The following GATA6 variants were observed in gnomAD, a reference collection of about 807,000 sequenced individuals.
GATA6 encodes the protein transcription factor GATA-6.
In GATA6, 11 loss-of-function variants were observed where a neutral mutation model predicts 48.1. The observed-to-expected ratio is 0.23, with a 90% CI of 0.14 to 0.38. GATA6 has a LOEUF of 0.38. Ranked by LOEUF, GATA6 falls within the 10% of genes least tolerant of loss-of-function variation. GATA6 has a pLI of 1.00. For synonymous variants in GATA6, 419 were observed against 396.1 expected (o/e 1.06, Z -0.69); for missense variants, 795 against 850.3 (o/e 0.93, Z 0.81).
chr18:22,186,551 CA>C (rs1225591017), intron 6 of GATA6, among the ~76,000 whole-genome samples: 1 of 152,164 alleles, frequency 6.6e-6, no homozygotes, highest in Non-Finnish European at 1.5e-5. Context: ...TAAGTGATGG[CA>C]CCAGGACCTT....
chr18:22,171,874 G>T lies in GATA6; in HGVS notation c.730G>T (p.Gly244Cys), dbSNP rs1355067748. ...CGGCAGCGGAGGCGGCGCGGCTGGCGGCGGGGCCGCGGGGCCTGGCGGCGC... is the reference window on the plus strand; with the variant it reads ...CGGCAGCGGAGGCGGCGCGGCTGGCTGCGGGGCCGCGGGGCCTGGCGGCGC... Reference protein sequence around the residue: ...PYGSGGGAAGGGAAGPGGAGS... With the variant: ...PYGSGGGAAGCGAAGPGGAGS... The change falls in exon 2 of 7, where the codon GGC (glycine) becomes TGC (cysteine). Residue 244 changes from glycine (G) to cysteine (C), a missense_variant. By Grantham distance (159) the Gly-to-Cys change is radical (BLOSUM62 -3). Around this residue, in one of 5 missense-constraint regions of GATA6, gnomAD observed 591 missense variants for 570.0 expected, o/e 1.04. Transcript: ENST00000269216. This position sits in a 1 kb window ranked among gnomAD's most constrained non-coding sequence, Gnocchi z 7.1. The T allele has an allele frequency of 3.5e-6, 4 of 1,158,830 alleles. No individual in the cohort carries two copies. The highest frequency in any genetic ancestry group is 4.2e-6 in the Non-Finnish European group (4 of 942,274). 71.8% of individuals were successfully genotyped at this position (1,158,830 alleles called of 1,614,324 possible).
chr18:22,176,975 G>A lies in GATA6; in HGVS notation c.1156G>A (p.Glu386Lys). ...PSADLLEDLS[E>K]SRECVNCGSI... ...CGCAGACCTGCTGGAGGACCTGTCC[G>A]AGAGCCGCGAGTGCGTGAACTGCGG... The change falls in exon 3 of 7, where the codon GAG becomes AAG. Residue 386 changes from glutamate (E) to lysine (K), a missense_variant. Physicochemically the swap from Glu to Lys is moderately conservative, Grantham distance 56 (BLOSUM62 1). Transcript: ENST00000269216. The A allele has an allele frequency of 1.3e-6, 2 of 1,563,274 alleles. No homozygotes were observed. The highest frequency in any genetic ancestry group is 1.7e-6 in the Non-Finnish European group (2 of 1,157,146).
intron 6 of GATA6, among the ~76,000 whole-genome samples, chr18:22,196,692 G>C (rs2033393498): frequency 6.6e-6 from 1 of 151,944 alleles, no homozygotes; most frequent in African/African-American, 2.4e-5. Flanking sequence ...AGTGAGCCAA[G>C]ATCACACCCA....
chr18:22,200,855 G>A lies in GATA6; in HGVS notation c.*32G>A. ...GCCGCCAGGAGGCAGGGAGGGCTCCGCCGCGGGCCTCACTCCACTCGTGTC... is the reference window on the plus strand; with the variant it reads ...GCCGCCAGGAGGCAGGGAGGGCTCCACCGCGGGCCTCACTCCACTCGTGTC... On this transcript the variant is annotated 3_prime_UTR_variant, in exon 7 of 7. Coordinates refer to ENST00000269216, the MANE Select transcript of GATA6 (RefSeq NM_005257.6). 6.3e-7 allele frequency: 1 copy of A among 1,584,512 alleles called. No individual in the cohort carries two copies.
chr18:22,194,699 T>TC (rs1021518168), intron 6 of GATA6, among the ~76,000 whole-genome samples: 1 of 150,908 alleles, frequency 6.6e-6, no homozygotes, highest in African/African-American at 2.4e-5. Flanking sequence ...TTCTCTGATT[T>TC]CCCCCCTCCG....
intron 3 of GATA6, among the ~76,000 whole-genome samples, chr18:22,178,226 A>C (rs1376129702): frequency 6.6e-6 from 1 of 151,952 alleles, no homozygotes; most frequent in Non-Finnish European, 1.5e-5. Context: ...CGGCCTCCCG[A>C]AGTGCTAGGA....
chr18:22,175,471 G>A (rs1049698295), intron 2 of GATA6: 1 of 152,120 alleles, frequency 6.6e-6, no homozygotes, highest in African/African-American at 2.4e-5. Flanking sequence ...CAAATACCTT[G>A]TTTAACTTCA....
intron 6 of GATA6, among the ~76,000 whole-genome samples, chr18:22,191,010 CTT>C (rs766238113): frequency 2.0e-4 from 23 of 114,968 alleles, no homozygotes; most frequent in African/African-American, 3.3e-4. Context: ...TCTAGACTTC[CTT>C]TTTTTTTTTT....
At chr18:22,187,306 C>A (rs1169890711) in intron 6 of GATA6, among the ~76,000 whole-genome samples, 2 of 151,966 alleles carry the variant, frequency 1.3e-5, no homozygotes. Flanking sequence ...CATGGAGAAA[C>A]CCCGTCTCTA....
At chr18:22,199,627 G>A (rs899256518) in intron 6 of GATA6, among the ~76,000 whole-genome samples, 2 of 152,194 alleles carry the variant, frequency 1.3e-5, no homozygotes, top group African/African-American at 4.8e-5. Flanking sequence ...TTGTGGCCAG[G>A]CACAGTGGCT....
In GATA6 at chr18:22,202,059, C is replaced by T. The variant is rs774770753; in HGVS notation, c.*1236C>T. 7 of 152,142 alleles carry T rather than the reference C, an allele frequency of 4.6e-5. No homozygotes were observed. Among genetic ancestry groups the T allele is most frequent in the Non-Finnish European group, 1.0e-4 (7 of 68,030 alleles). The allele number at this position is 152,142 out of a possible 1,614,324, so 9.4% of individuals were successfully genotyped here. On this transcript the variant is annotated 3_prime_UTR_variant, in exon 7 of 7. Transcript: ENST00000269216. ...TAGATATTCATATAAAACAAGTGCACGTGAAGTTTGCAAAATGCTTTAAGG... is the reference window on the plus strand; with the variant it reads ...TAGATATTCATATAAAACAAGTGCATGTGAAGTTTGCAAAATGCTTTAAGG...
chr18:22,188,249 G>A (rs1200349798), intron 6 of GATA6, among the ~76,000 whole-genome samples: 3 of 152,204 alleles, frequency 2.0e-5, no homozygotes, highest in Non-Finnish European at 4.4e-5. Context: ...GTAAAACAAA[G>A]TGCCACATCT....
At chr18:22,197,166 C>T (rs2033401194) in intron 6 of GATA6, among the ~76,000 whole-genome samples, 2 of 151,256 alleles carry the variant, frequency 1.3e-5, no homozygotes, top group Non-Finnish European at 2.9e-5. Flanking sequence ...TGCAACCTGC[C>T]TCAGCCTTCT....
intron 4 of GATA6, 27 bp from the exon 5 acceptor site, chr18:22,182,730 T>C (rs2033214070): frequency 4.0e-6 from 6 of 1,513,008 alleles, no homozygotes; most frequent in Non-Finnish European, 4.6e-6. Context: ...TAATATTAAA[T>C]TTATGGCCTA....
intron 6 of GATA6, among the ~76,000 whole-genome samples, chr18:22,188,009 G>A (rs557101598): frequency 1.3e-5 from 2 of 152,148 alleles, no homozygotes; most frequent in East Asian, 1.9e-4. Flanking sequence ...GACTGAGGCT[G>A]GAGGATCACT....
chr18:22,169,856 G>C (rs887863765), intron 1 of GATA6, among the ~76,000 whole-genome samples, 174 bp downstream of exon 1: 2 of 152,192 alleles, frequency 1.3e-5, no homozygotes, highest in Admixed American at 6.5e-5. Context: ...CCGGGACACC[G>C]CGGACCAACT....
intron 2 of GATA6, 97 bp from the exon 3 acceptor site, chr18:22,176,858 C>T (rs1271856681): frequency 2.2e-5 from 31 of 1,390,136 alleles, no homozygotes; most frequent in Non-Finnish European, 2.8e-5. Context: ...GCAGGGAAGC[C>T]GGGCACCGGG....
In GATA6 at chr18:22,171,187, G is replaced by A. The variant is rs116262672; in HGVS notation, c.43G>A (p.Gly15Arg). Residue 15 changes from glycine (G) to arginine (R), a missense_variant, in exon 2 of 7, where the codon GGG becomes AGG. By Grantham distance (125) the Gly-to-Arg change is moderately radical (BLOSUM62 -2). Around this residue, in one of 5 missense-constraint regions of GATA6, gnomAD observed 591 missense variants for 570.0 expected, o/e 1.04. Coordinates refer to ENST00000269216, the MANE Select transcript of GATA6 (RefSeq NM_005257.6). The surrounding 1 kb of genome is among the most constrained non-coding windows in gnomAD (Gnocchi z 7.1). ...CGGCTGGTGCTTGCCGAAGCGCTTCGGGGCCGCGGGTGCGGACGCCAGCGA... is the reference window on the plus strand; with the variant it reads ...CGGCTGGTGCTTGCCGAAGCGCTTCAGGGCCGCGGGTGCGGACGCCAGCGA... The part of the protein sequence containing the change: ...DGGWCLPKRF[G>R]AAGADASDSR... The A allele has an allele frequency of 2.0e-4, 312 of 1,599,746 alleles. 8 individuals are homozygous for A. In the South Asian group the frequency reaches 3.3e-3, roughly 17 times the overall value.
In GATA6 at chr18:22,171,194, C is replaced by G. The variant is rs1030316600; in HGVS notation, c.50C>G (p.Ala17Gly). ...GWCLPKRFGA[A>G]GADASDSRAF... ...TGCTTGCCGAAGCGCTTCGGGGCCGCGGGTGCGGACGCCAGCGACTCCAGA... is the reference window on the plus strand; with the variant it reads ...TGCTTGCCGAAGCGCTTCGGGGCCGGGGGTGCGGACGCCAGCGACTCCAGA... Residue 17 changes from alanine to glycine, a missense_variant, in exon 2 of 7, where the codon GCG becomes GGG. Around this residue, in one of 5 missense-constraint regions of GATA6, gnomAD observed 591 missense variants for 570.0 expected, o/e 1.04. Transcript: ENST00000269216. This position sits in a 1 kb window ranked among gnomAD's most constrained non-coding sequence, Gnocchi z 7.1. The G allele has an allele frequency of 3.1e-6, 5 of 1,599,272 alleles. No homozygotes were observed. In the African/African-American group the frequency reaches 6.7e-5, roughly 21 times the overall value.
Sources: allele counts gnomAD v4.1 joint callset (sites outside exome capture counted in the v4.1 genomes callset), GRCh38; gene constraint gnomAD v4.1.1; regional missense constraint gnomAD v4.1.1; non-coding constraint Gnocchi (gnomAD v3.1); transcripts MANE v1.5; gene names NCBI Gene and HGNC (gene_info 2026-07-23, HGNC 2026-07-21).